KCNMA1: variants seen among roughly 807,000 people sequenced by gnomAD.
KCNMA1 encodes the protein potassium calcium-activated channel subfamily M alpha 1, also known as Calcium-activated potassium channel subunit alpha-1.
Under a neutral mutation model 140.0 loss-of-function variants are expected in KCNMA1, and 29 were observed. The observed-to-expected ratio is 0.21, with a 90% CI of 0.15 to 0.28. KCNMA1 has a LOEUF of 0.28. Among genes scored for constraint, KCNMA1 ranks in the 10% least tolerant of loss-of-function variants. KCNMA1 has a pLI of 1.00. For synonymous variants in KCNMA1, 612 were observed against 611.9 expected (o/e 1.00, Z 0.00); for missense variants, 880 against 1,602.2 (o/e 0.55, Z 7.70).
At chr10:77,546,418 G>C (rs2061474781) in intron 1 of KCNMA1, among the ~76,000 whole-genome samples, 1 of 151,022 alleles carries the variant, frequency 6.6e-6, no homozygotes, top group African/African-American at 2.4e-5. Context: ...CCACCACCCA[G>C]CACAGATATA....
chr10:77,313,486 A>G (rs1180992849), intron 2 of KCNMA1, among the ~76,000 whole-genome samples: 1 of 152,078 alleles, frequency 6.6e-6, no homozygotes, highest in Non-Finnish European at 1.5e-5. Context: ...TTACTGAAGG[A>G]TGTGAAATTC....
intron 14 of KCNMA1, among the ~76,000 whole-genome samples, chr10:77,069,817 T>C (rs994101472): frequency 6.6e-6 from 1 of 152,146 alleles, no homozygotes; most frequent in Non-Finnish European, 1.5e-5. Flanking sequence ...CTCTTTCTTT[T>C]TCTTTCTTTT....
intron 1 of KCNMA1, among the ~76,000 whole-genome samples, chr10:77,534,513 A>G (rs1193192363): frequency 3.3e-5 from 5 of 152,246 alleles, no homozygotes; most frequent in Non-Finnish European, 5.9e-5. Context: ...ATGTGTATTT[A>G]TTATAGCGAA....
chr10:77,046,874 C>G (rs991259304), intron 14 of KCNMA1, among the ~76,000 whole-genome samples: 5 of 152,196 alleles, frequency 3.3e-5, no homozygotes, highest in African/African-American at 7.2e-5. Context: ...GCACAGCTTT[C>G]TGGGGTGGAG....
intron 1 of KCNMA1, among the ~76,000 whole-genome samples, chr10:77,419,815 GC>G (rs1340390874): frequency 6.6e-6 from 1 of 152,172 alleles, no homozygotes; most frequent in African/African-American, 2.4e-5. Context: ...CTGTGTCACA[GC>G]CCTGGAAAGC....
chr10:77,330,184 A>G (rs1007322669), intron 2 of KCNMA1, among the ~76,000 whole-genome samples: 1 of 152,178 alleles, frequency 6.6e-6, no homozygotes, highest in Non-Finnish European at 1.5e-5. Flanking sequence ...TGAGTTCACC[A>G]TAAAAAGAAT....
In KCNMA1 at chr10:77,637,274, G is replaced by A; in HGVS notation, c.369C>T (p.Gly123=). Residue 123 remains glycine (G), a synonymous_variant, in exon 1 of 28, where the codon GGC becomes GGT. Coordinates refer to ENST00000286628, the MANE Select transcript of KCNMA1 (RefSeq NM_001161352.2). The stretch of plus-strand genomic sequence containing the variant: ...CCGGGGCGCGCGTTACCTTCGTCTT[G>A]CCCCCGCAGTGGCAGCACACGGTCC... The part of the protein sequence containing the change: ...YLWTVCCHCG[G]KTKEAQKINN... 6.2e-7 allele frequency: 1 copy of A among 1,607,668 alleles called. No individual in the cohort carries two copies. Among genetic ancestry groups the A allele is most frequent in the Non-Finnish European group, 8.5e-7 (1 of 1,175,838 alleles).
At chr10:76,896,234 G>T (rs2042448531) in intron 25 of KCNMA1, among the ~76,000 whole-genome samples, 1 of 152,154 alleles carries the variant, frequency 6.6e-6, no homozygotes, top group African/African-American at 2.4e-5. Flanking sequence ...TTTTCCCAGG[G>T]TTGTTAATTA....
At chr10:77,533,363 G>A (rs1286508297) in intron 1 of KCNMA1, among the ~76,000 whole-genome samples, 2 of 152,118 alleles carry the variant, frequency 1.3e-5, no homozygotes, top group Non-Finnish European at 2.9e-5. Flanking sequence ...TGGAGCTCCG[G>A]GTCTAGTTTC....
intron 1 of KCNMA1, among the ~76,000 whole-genome samples, chr10:77,453,050 C>T (rs1310634698): frequency 6.6e-6 from 1 of 151,984 alleles, no homozygotes; most frequent in Non-Finnish European, 1.5e-5. Context: ...AGCCTGGTAC[C>T]CAGTTAACAC....
At chr10:77,226,173 G>T (rs1219650711) in intron 3 of KCNMA1, among the ~76,000 whole-genome samples, 1 of 152,120 alleles carries the variant, frequency 6.6e-6, no homozygotes, top group Non-Finnish European at 1.5e-5. Context: ...TTCAGGAAGG[G>T]TCATGGACTA....
chr10:76,886,560 T>A lies in KCNMA1; in HGVS notation c.*706A>T. 3.0e-6 allele frequency: 3 copies of A among 986,154 alleles called. No individual in the cohort carries two copies. Among genetic ancestry groups the A allele is most frequent in the Non-Finnish European group, 3.6e-6 (3 of 830,514 alleles). 61.1% of individuals were successfully genotyped at this position (986,154 alleles called of 1,614,324 possible). On this transcript the variant is annotated 3_prime_UTR_variant, in exon 28 of 28. Transcript: ENST00000286628. ...TACATCCATGATTGGAATACTATTC[T>A]CTCCTCCATATTAAGGTGAGAAATG...
At chr10:77,248,263 T>A (rs1057344815) in intron 3 of KCNMA1, among the ~76,000 whole-genome samples, 30 of 152,186 alleles carry the variant, frequency 2.0e-4, no homozygotes, top group Admixed American at 1.2e-3. Context: ...GGGAGCCTGT[T>A]TTATACATTA....
At chr10:77,082,176 A>G (rs573978103) in intron 12 of KCNMA1, among the ~76,000 whole-genome samples, 1 of 151,268 alleles carries the variant, frequency 6.6e-6, no homozygotes, top group Non-Finnish European at 1.5e-5. Context: ...TTACAGGCAC[A>G]CACCACCACA....
At chr10:77,174,896 T>C (rs2098739220) in intron 5 of KCNMA1, among the ~76,000 whole-genome samples, 1 of 152,228 alleles carries the variant, frequency 6.6e-6, no homozygotes, top group South Asian at 2.1e-4. Context: ...TAAAAGAAGC[T>C]GAGCCTAGGT....
At chr10:77,423,540 G>C (rs1448394416) in intron 1 of KCNMA1, among the ~76,000 whole-genome samples, 1 of 152,136 alleles carries the variant, frequency 6.6e-6, no homozygotes, top group Non-Finnish European at 1.5e-5. Context: ...AAGAGAATGT[G>C]GACACAGCTT....
chr10:77,086,442 C>G, intron 11 of KCNMA1, 46 bp downstream of exon 11: 3 of 1,426,294 alleles, frequency 2.1e-6, no homozygotes, highest in South Asian at 1.1e-5. Flanking sequence ...CCCCCCAGAC[C>G]CACACCAAGA....
At chr10:77,382,994 G>GTGTGTGTATATATA (rs1491457588) in intron 2 of KCNMA1, among the ~76,000 whole-genome samples, 3 of 46,426 alleles carry the variant, frequency 6.5e-5, no homozygotes, top group Non-Finnish European at 1.2e-4. Context: ...GTGTGTGTGT[G>GTGTGTGTATATATA]TATATATATA....
At chr10:76,978,265 C>A (rs945728985) in intron 19 of KCNMA1, among the ~76,000 whole-genome samples, 1 of 152,122 alleles carries the variant, frequency 6.6e-6, no homozygotes, top group Non-Finnish European at 1.5e-5. Context: ...AGAAAATGTG[C>A]CCCATCAGTT....
Sources: gnomAD v4.1 joint callset for allele counts (sites outside exome capture counted in the v4.1 genomes callset) on GRCh38, gnomAD v4.1.1 for gene constraint, MANE v1.5 for transcripts, NCBI Gene and HGNC (gene_info 2026-07-23, HGNC 2026-07-21) for gene names.